Variants in TKTL1 observed in about 807,000 individuals in gnomAD.
TKTL1 encodes the protein transketolase-like protein 1.
In TKTL1, 1 loss-of-function variant was observed where a neutral mutation model predicts 39.3. The ratio of observed to expected loss-of-function variants is 0.03; its 90% confidence interval spans 0.01 to 0.12. The LOEUF (loss-of-function observed/expected upper bound fraction) is 0.12. TKTL1 is among the 10% of genes least tolerant of loss of function. The pLI is 1.00. For missense variants in TKTL1, 575 were observed against 509.6 expected (o/e 1.13, Z -1.24); for synonymous variants, 262 against 193.8 (o/e 1.35, Z -2.92).
chrX:154,302,553 C>T (rs1314985965), intron 1 of TKTL1, among the ~76,000 whole-genome samples: 1 of 111,290 alleles, frequency 9.0e-6, no homozygotes, highest in Non-Finnish European at 1.9e-5. Context: ...TTCATGAGGG[C>T]TCCACTCTCA....
intron 7 of TKTL1, among the ~76,000 whole-genome samples, chrX:154,319,610 G>C (rs1419244054): frequency 9.0e-6 from 1 of 111,097 alleles, no homozygotes; most frequent in African/African-American, 3.3e-5. Flanking sequence ...GTGGTGGCGG[G>C]TGCCTGTAAT....
rs782662240 is a variant in TKTL1 at position 154,295,824 on chromosome X, AG to A, written c.-34del. ...TTCGCTCTTCAGACGCCGGAGACGTAGGAGTGGGTCTTCAGACTCCAAAGGG... is the reference window on the plus strand; with the variant it reads ...TTCGCTCTTCAGACGCCGGAGACGTAGAGTGGGTCTTCAGACTCCAAAGGG... On this transcript the variant is annotated 5_prime_UTR_variant, in exon 1 of 13. Coordinates refer to ENST00000369915, the MANE Select transcript of TKTL1 (RefSeq NM_012253.4). 2 of 1,197,477 alleles carry A rather than the reference AG, an allele frequency of 1.7e-6. No homozygotes were observed. The highest frequency in any genetic ancestry group is 2.3e-6 in the Non-Finnish European group (2 of 888,009).
intron 8 of TKTL1, among the ~76,000 whole-genome samples, chrX:154,322,535 T>A (rs2067459942): frequency 9.0e-6 from 1 of 110,737 alleles, no homozygotes; most frequent in Non-Finnish European, 1.9e-5. Flanking sequence ...TGTCTCAAAA[T>A]AATAATAGTT....
intron 3 of TKTL1, among the ~76,000 whole-genome samples, chrX:154,309,924 G>A (rs1035647599): frequency 1.8e-5 from 2 of 108,992 alleles, no homozygotes; most frequent in Non-Finnish European, 3.8e-5. Flanking sequence ...TGGTAGAGAT[G>A]GGGTTTCGCC....
At chrX:154,321,295 C>T (rs1245715129) in intron 8 of TKTL1, among the ~76,000 whole-genome samples, 1 of 109,546 alleles carries the variant, frequency 9.1e-6, no homozygotes, top group Non-Finnish European at 1.9e-5. Flanking sequence ...GCTGCACAGC[C>T]TGCTCAGGTG....
intron 2 of TKTL1, among the ~76,000 whole-genome samples, chrX:154,306,817 TG>T (rs1218789992): frequency 9.1e-6 from 1 of 110,002 alleles, no homozygotes; most frequent in Non-Finnish European, 1.9e-5. Flanking sequence ...TTGTATTTTT[TG>T]TAGAGACATG....
intron 6 of TKTL1, 125 bp from the exon 7 acceptor site, chrX:154,315,048 A>G (rs782042865): frequency 1.8e-5 from 14 of 780,138 alleles, no homozygotes; most frequent in Non-Finnish European, 2.5e-5. Context: ...TTGGTGAGTC[A>G]CGAATTTACT....
Position 154,305,441 on chromosome X carries a change from A to AG in TKTL1, c.252+23dup. 8.3e-7 allele frequency: 1 copy of AG among 1,197,748 alleles called. No homozygotes were observed. The highest frequency in any genetic ancestry group is 1.1e-6 in the Non-Finnish European group (1 of 885,288). ...GCAAAGGTATGCCGGTGGGGAGCCCAGGGCTGCTGTGGCGCCTGCTGGTTA... is the reference window on the plus strand; with the variant it reads ...GCAAAGGTATGCCGGTGGGGAGCCCAGGGGCTGCTGTGGCGCCTGCTGGTTA... On this transcript the variant is annotated intron_variant, in intron 2 of 12. Transcript: ENST00000369915.
In TKTL1 at chrX:154,327,703, A is replaced by G. The variant is rs781923529; in HGVS notation, c.1498+16A>G. ...TCGAAACAAGGTCAGTTGGTTGAGT[A>G]TGAGCATTGAAGTTCAAGCTGGGAA... On this transcript the variant is annotated intron_variant, in intron 11 of 12. Coordinates refer to ENST00000369915, the MANE Select transcript of TKTL1 (RefSeq NM_012253.4). 8.3e-7 allele frequency: 1 copy of G among 1,204,991 alleles called. No individual in the cohort carries two copies. Among genetic ancestry groups the G allele is most frequent in the Non-Finnish European group, 1.1e-6 (1 of 889,425 alleles).
At chrX:154,300,000 T>C (rs1235528273) in intron 1 of TKTL1, among the ~76,000 whole-genome samples, 1 of 107,187 alleles carries the variant, frequency 9.3e-6, no homozygotes, top group Non-Finnish European at 1.9e-5. Flanking sequence ...GGTAATCTAC[T>C]ACTTTTAGTA....
chrX:154,318,181 G>T (rs1358084561), intron 7 of TKTL1, among the ~76,000 whole-genome samples: 1 of 111,045 alleles, frequency 9.0e-6, no homozygotes, highest in Non-Finnish European at 1.9e-5. Flanking sequence ...GGGTCCTCTG[G>T]CCTCGGCCTC....
In TKTL1 at chrX:154,295,876, C is replaced by A; in HGVS notation, c.17C>A (p.Ala6Glu). 8.3e-7 allele frequency: 1 copy of A among 1,211,368 alleles called. No individual in the cohort carries two copies. The highest frequency in any genetic ancestry group is 1.1e-6 in the Non-Finnish European group (1 of 895,212). Reference sequence around the variant, plus strand: ...GTTGGACTAATGGCGGATGCTGAGGCGAGGGCTGAGTTCCCGGAGGAGGCC... The same window carrying A: ...GTTGGACTAATGGCGGATGCTGAGGAGAGGGCTGAGTTCCCGGAGGAGGCC... MADAE[A>E]RAEFPEEARP... The change falls in exon 1 of 13, where the codon GCG becomes GAG. Residue 6 changes from alanine to glutamate, a missense_variant. By Grantham distance (107) the Ala-to-Glu change is moderately radical (BLOSUM62 -1). Transcript: ENST00000369915.
At chrX:154,312,455 T>G (rs1196466366) in intron 5 of TKTL1, 125 bp from the exon 6 acceptor site, 5 of 654,847 alleles carry the variant, frequency 7.6e-6, no homozygotes, top group Non-Finnish European at 1.1e-5. Flanking sequence ...AGGCCCTCTG[T>G]GCCAGGTGTT....
At chrX:154,327,995 GGT>G in intron 12 of TKTL1, 37 bp downstream of exon 12, 1 of 1,207,047 alleles carries the variant, frequency 8.3e-7, no homozygotes, top group African/African-American at 1.7e-5. Flanking sequence ...GGAAGGTTTT[GGT>G]GTTTTTGTTT....
At chrX:154,317,915 G>A (rs1453966414) in intron 7 of TKTL1, among the ~76,000 whole-genome samples, 10 of 111,201 alleles carry the variant, frequency 9.0e-5, no homozygotes, top group African/African-American at 2.6e-4. Flanking sequence ...TGGGGGGTTG[G>A]GGCACCTGTT....
At position 154,311,323 on chromosome X, in the gene TKTL1, T is replaced by C. The variant is rs2067356061; in HGVS notation, c.670+85T>C. 8 of 1,139,441 alleles carry C rather than the reference T, an allele frequency of 7.0e-6. No homozygotes were observed. In the East Asian group the frequency reaches 2.4e-4, roughly 34 times the overall value. The allele number at this position is 1,139,441 out of a possible 1,213,427, so 93.9% of individuals were successfully genotyped here. A position where few individuals can be genotyped will look rare whatever the true frequency, so the allele number is the denominator to read the frequency against. ...GAGGCGGGAGAGGCTTAGAGGGGCC[T>C]AGGCAGATGACTCATTTAGTGAATA... is the stretch of plus-strand genomic sequence containing the variant. On this transcript the variant is annotated intron_variant, in intron 5 of 12. Transcript: ENST00000369915.
rs376992186 is a variant in TKTL1, at chrX:154,310,938, A to G, written c.453A>G (p.Ala151=). The change falls in exon 4 of 13, where the codon GCA becomes GCG. Residue 151 remains alanine (A), a synonymous_variant. Coordinates refer to ENST00000369915, the MANE Select transcript of TKTL1 (RefSeq NM_012253.4). ...ACTACAGTCTGGACAATCTTGTGGC[A>G]ATCTTTGATGTGAACCGCCTGGGAC... is the stretch of plus-strand genomic sequence containing the variant. ...ASYYSLDNLV[A]IFDVNRLGHS... 1 of 1,210,530 alleles carries G rather than the reference A, an allele frequency of 8.3e-7. No individual in the cohort carries two copies. Among genetic ancestry groups the G allele is most frequent in the Non-Finnish European group, 1.1e-6 (1 of 895,310 alleles).
intron 1 of TKTL1, among the ~76,000 whole-genome samples, chrX:154,302,102 G>A (rs1179985446): frequency 9.0e-6 from 1 of 110,534 alleles, no homozygotes; most frequent in Non-Finnish European, 1.9e-5. Context: ...CACTTCTATC[G>A]TAGGTTTCCA....
chrX:154,304,029 G>A (rs2067295952), intron 1 of TKTL1, among the ~76,000 whole-genome samples: 1 of 110,788 alleles, frequency 9.0e-6, no homozygotes, highest in Admixed American at 9.7e-5. Context: ...GTGTGACAAG[G>A]ATGGGGTGGG....
Sources: allele counts gnomAD v4.1 joint callset (sites outside exome capture counted in the v4.1 genomes callset), GRCh38; gene constraint gnomAD v4.1.1; transcripts MANE v1.5; gene names NCBI Gene and HGNC (gene_info 2026-07-23, HGNC 2026-07-21).